MYO3B: variants seen among roughly 807,000 people sequenced by gnomAD.
MYO3B encodes myosin IIIB.
Under a neutral mutation model 174.6 loss-of-function variants are expected in MYO3B, and 156 were observed. The ratio of observed to expected loss-of-function variants is 0.89; its 90% CI spans 0.78 to 1.02. The LOEUF is 1.02. Among genes scored for constraint, MYO3B ranks in the 50% least tolerant of loss-of-function variants. The pLI is 0.00. For missense variants in MYO3B, 1,632 were observed against 1,639.4 expected (o/e 1.00, Z 0.08); for synonymous variants, 563 against 569.1 (o/e 0.99, Z 0.15).
chr2:170,498,819 G>C (rs6733198), intron 26 of MYO3B, 116 bp downstream of exon 26: 638,803 of 656,752 alleles, frequency 0.97, 312,427 homozygotes, highest in Non-Finnish European at 1. Flanking sequence ...AGACTCCAAC[G>C]TAACAATGGT....
chr2:170,324,499 A>G (rs1275894096), intron 7 of MYO3B, among the ~76,000 whole-genome samples: 3 of 152,222 alleles, frequency 2.0e-5, no homozygotes, highest in Admixed American at 2.0e-4. Context: ...ATGTCGGAGG[A>G]GACTGGACTC....
intron 7 of MYO3B, among the ~76,000 whole-genome samples, chr2:170,301,528 A>G (rs943559502): frequency 8.5e-5 from 13 of 152,186 alleles, no homozygotes; most frequent in African/African-American, 3.1e-4. Context: ...ACACTCTTCT[A>G]CTACATTAAA....
At chr2:170,279,059 A>G (rs989004738) in intron 7 of MYO3B, among the ~76,000 whole-genome samples, 2 of 151,928 alleles carry the variant, frequency 1.3e-5, no homozygotes, top group Non-Finnish European at 2.9e-5. Flanking sequence ...ATTGAGGTTG[A>G]TTTTTTATCT....
At chr2:170,309,309 AC>A (rs2093722123) in intron 7 of MYO3B, among the ~76,000 whole-genome samples, 1 of 152,146 alleles carries the variant, frequency 6.6e-6, no homozygotes, top group African/African-American at 2.4e-5. Context: ...AATAGTCAAA[AC>A]TATTACTGAT....
chr2:170,237,710 T>C (rs1009485736), intron 7 of MYO3B, among the ~76,000 whole-genome samples: 7 of 152,208 alleles, frequency 4.6e-5, no homozygotes, highest in Admixed American at 2.0e-4. Flanking sequence ...TAACTAAGTC[T>C]CTACTGCCTG....
At chr2:170,536,668 A>G (rs965413856) in intron 30 of MYO3B, among the ~76,000 whole-genome samples, 9 of 152,258 alleles carry the variant, frequency 5.9e-5, no homozygotes, top group African/African-American at 2.2e-4. Context: ...ATCAAGAAGT[A>G]CAAATTAAAA....
At chr2:170,254,884 G>A (rs769866238) in intron 7 of MYO3B, among the ~76,000 whole-genome samples, 2 of 152,182 alleles carry the variant, frequency 1.3e-5, no homozygotes, top group Non-Finnish European at 2.9e-5. Context: ...ACCTGGAATC[G>A]TGCAGCAATC....
chr2:170,199,035 C>T (rs879434330), intron 1 of MYO3B, among the ~76,000 whole-genome samples, 173 bp from the exon 2 acceptor site: 1 of 152,068 alleles, frequency 6.6e-6, no homozygotes, highest in African/African-American at 2.4e-5. Context: ...TCTTTTATTA[C>T]CATTTCTTAA....
chr2:170,453,097 G>T (rs1683691023), intron 23 of MYO3B, among the ~76,000 whole-genome samples: 2 of 152,142 alleles, frequency 1.3e-5, no homozygotes, highest in African/African-American at 4.8e-5. Flanking sequence ...CTAAAATAAA[G>T]TATCCCCACA....
At chr2:170,472,278 A>T (rs915412642) in intron 25 of MYO3B, among the ~76,000 whole-genome samples, 29 of 152,252 alleles carry the variant, frequency 1.9e-4, no homozygotes, top group Admixed American at 9.2e-4. Flanking sequence ...GGTGTAAGGG[A>T]GTCCACCTGA....
At chr2:170,366,407 C>A (rs1029024777) in intron 8 of MYO3B, among the ~76,000 whole-genome samples, 3 of 151,992 alleles carry the variant, frequency 2.0e-5, no homozygotes, top group Non-Finnish European at 4.4e-5. Context: ...CTCAAGTGAT[C>A]CTCCTGCCTC....
intron 7 of MYO3B, among the ~76,000 whole-genome samples, chr2:170,296,164 T>C (rs2093627609): frequency 6.6e-6 from 1 of 152,236 alleles, no homozygotes; most frequent in Non-Finnish European, 1.5e-5. Context: ...CATCTTTCCA[T>C]GTACAACTTT....
chr2:170,272,704 G>A lies in MYO3B; in HGVS notation c.749+36568G>A, dbSNP rs79315697. ...TAATGAGAGGTGACTGGACCATGAG[G>A]GTGGAGTGACTGTATTAATGCTATT... On this transcript the variant is annotated intron_variant, in intron 7 of 34. Transcript: ENST00000408978. Among the ~76,000 whole-genome samples, 21 of 152,224 alleles carry A rather than the reference G, an allele frequency of 1.4e-4. 1 individual carries two copies. In the East Asian group the frequency reaches 3.7e-3, roughly 27 times the overall value.
chr2:170,319,747 A>T (rs1252076132), intron 7 of MYO3B, among the ~76,000 whole-genome samples: 2 of 152,228 alleles, frequency 1.3e-5, no homozygotes, highest in African/African-American at 2.4e-5. Context: ...AAACTGGTGA[A>T]AGATGAAGAG....
Position 170,637,767 on chromosome 2 carries a change from C to T in MYO3B, c.3734-13861C>T, listed in dbSNP as rs768209677. ...CTTTGTGCTGCCCTACTTGTACAAA[C>T]GTCTTAATGTTTACTGGATAGTTGG... On this transcript the variant is annotated intron_variant, in intron 32 of 34. Transcript: ENST00000408978. 3.9e-4 allele frequency among the ~76,000 whole-genome samples: 60 copies of T among 152,222 alleles called. No homozygotes were observed. In the Middle Eastern group the frequency reaches 0.014, roughly 35 times the overall value.
chr2:170,376,605 A>ATT (rs10655853), intron 9 of MYO3B, among the ~76,000 whole-genome samples: 34,693 of 144,844 alleles, frequency 0.24, 4,051 homozygotes, highest in Middle Eastern at 0.32. Flanking sequence ...CCCTCTCTCT[A>ATT]TTTTTTTTTT....
chr2:170,272,349 T>C (rs1430937546), intron 7 of MYO3B, among the ~76,000 whole-genome samples: 8 of 152,156 alleles, frequency 5.3e-5, no homozygotes, highest in African/African-American at 1.9e-4. Flanking sequence ...TGCCTTGGTG[T>C]AACCCTCATC....
chr2:170,264,868 G>T (rs1031601363), intron 7 of MYO3B, among the ~76,000 whole-genome samples: 4 of 152,176 alleles, frequency 2.6e-5, no homozygotes, highest in African/African-American at 9.7e-5. Flanking sequence ...AGTGGCAAAA[G>T]TTAAGTTGTA....
At chr2:170,363,022 G>A (rs1278211866) in intron 8 of MYO3B, among the ~76,000 whole-genome samples, 1 of 152,026 alleles carries the variant, frequency 6.6e-6, no homozygotes, top group Non-Finnish European at 1.5e-5. Flanking sequence ...TGATTTAGAG[G>A]CCTCTTTGTC....
Sources: allele counts gnomAD v4.1 joint callset (sites outside exome capture counted in the v4.1 genomes callset), GRCh38; gene constraint gnomAD v4.1.1; transcripts MANE v1.5; gene names NCBI Gene and HGNC (gene_info 2026-07-23, HGNC 2026-07-21).